The following XPO1 variants were observed in gnomAD, a reference collection of about 807,000 sequenced individuals.
XPO1 encodes exportin 1, also known as exportin-1.
In XPO1, 5 loss-of-function variants were observed where a neutral mutation model predicts 133.3. That is an observed-to-expected ratio of 0.04 (90% CI 0.02 to 0.08). The LOEUF is 0.08. Ranked by LOEUF, XPO1 falls within the 10% of genes least tolerant of loss-of-function variation. The probability of loss-of-function intolerance (pLI) is 1.00; values close to 1 mark genes in which losing one functional copy is unlikely to be tolerated. For missense variants in XPO1, 506 were observed against 1,267.5 expected (o/e 0.40, Z 9.12); for synonymous variants, 419 against 408.2 (o/e 1.03, Z -0.32).
intron 5 of XPO1, 99 bp downstream of exon 5, chr2:61,502,150 A>AT: frequency 6.6e-7 from 1 of 1,516,852 alleles, no homozygotes; most frequent in Non-Finnish European, 9.1e-7. Flanking sequence ...CTGACTGTGC[A>AT]TATGTGTGAC....
intron 11 of XPO1, among the ~76,000 whole-genome samples, chr2:61,494,984 G>GC (rs1425894536): frequency 6.6e-6 from 1 of 151,830 alleles, no homozygotes; most frequent in East Asian, 1.9e-4. Context: ...TGGGATTACA[G>GC]TCATGTGACA....
At position 61,522,594 on chromosome 2, in the gene XPO1, A is replaced by T. The variant is rs201145041; in HGVS notation, c.301+17T>A. On this transcript the variant is annotated intron_variant, in intron 4 of 24. Transcript: ENST00000401558. Reference sequence around the variant, plus strand: ...GGAAAAACAAAACTCTGAATTTATAATTCTTTATTTTCCTACCTTCGCACT... The same window carrying T: ...GGAAAAACAAAACTCTGAATTTATATTTCTTTATTTTCCTACCTTCGCACT... 4.4e-6 allele frequency: 7 copies of T among 1,606,484 alleles called. No individual in the cohort carries two copies. Among genetic ancestry groups the T allele is most frequent in the Non-Finnish European group, 6.0e-6 (7 of 1,174,866 alleles).
chr2:61,525,846 T>C (rs1698886262), intron 3 of XPO1: 4 of 1,043,618 alleles, frequency 3.8e-6, no homozygotes, highest in Middle Eastern at 4.4e-4. Flanking sequence ...CAGAATGCCA[T>C]AGTATTTATT....
At position 61,496,911 on chromosome 2, in the gene XPO1, G is replaced by C; in HGVS notation, c.856C>G (p.Leu286Val). The change falls in exon 10 of 25, where the codon CTA becomes GTA. Residue 286 changes from leucine (L) to valine (V), a missense_variant. By Grantham distance (32) the Leu-to-Val change is conservative. Transcript: ENST00000401558. ...VSQYEEQFVTLFTLTMMQLKQ... is the reference protein window; with the variant it reads ...VSQYEEQFVTVFTLTMMQLKQ... ...AGTTGCATCATTGTCAGAGTAAATA[G>C]TGTTACAAATTGTTCTTCATATTGG... The C allele has an allele frequency of 1.9e-6, 3 of 1,611,170 alleles. No homozygotes were observed. The highest frequency in any genetic ancestry group is 1.1e-5 in the South Asian group (1 of 90,160).
chr2:61,505,663 A>G (rs934465133), intron 4 of XPO1, among the ~76,000 whole-genome samples: 2 of 151,940 alleles, frequency 1.3e-5, no homozygotes, highest in African/African-American at 4.8e-5. Context: ...GGTTTAAGCG[A>G]TTATCCTGCC....
intron 1 of XPO1, chr2:61,534,171 T>C: frequency 3.8e-6 from 1 of 265,904 alleles, no homozygotes; most frequent in Non-Finnish European, 7.0e-6. Flanking sequence ...TCTACTAACA[T>C]TTATAAAGTA....
chr2:61,477,916 G>C lies in XPO1; in HGVS notation c.*904C>G, dbSNP rs1282344500. Reference sequence around the variant, plus strand: ...CACTATCATTAATATAGGAATAAATGAGTCAATAAAGGAAAAATAAATGTA... The same window carrying C: ...CACTATCATTAATATAGGAATAAATCAGTCAATAAAGGAAAAATAAATGTA... On this transcript the variant is annotated 3_prime_UTR_variant, in exon 25 of 25. Transcript: ENST00000401558. 4.6e-6 allele frequency: 1 copy of C among 218,018 alleles called. No homozygotes were observed. Among genetic ancestry groups the C allele is most frequent in the East Asian group, 6.8e-5 (1 of 14,708 alleles). The allele number at this position is 218,018 out of a possible 1,614,324, so 13.5% of individuals were successfully genotyped here.
chr2:61,483,165 A>G, intron 21 of XPO1, 74 bp from the exon 22 acceptor site: 13 of 1,491,280 alleles, frequency 8.7e-6, no homozygotes, highest in Non-Finnish European at 1.2e-5. Flanking sequence ...GCTCTTATCA[A>G]AGTATTCTGA....
At position 61,497,703 on chromosome 2, in the gene XPO1, A is replaced by G. The variant is rs138523923; in HGVS notation, c.760-696T>C. 8.9e-4 allele frequency among the ~76,000 whole-genome samples: 135 copies of G among 152,322 alleles called. No individual in the cohort carries two copies. In the Middle Eastern group the frequency reaches 0.017, roughly 19 times the overall value. Reference sequence around the variant, plus strand: ...TAAGAATATGGGAAAATTGGCTTATATATTCTATTGTTGAGAAGATAAACA... The same window carrying G: ...TAAGAATATGGGAAAATTGGCTTATGTATTCTATTGTTGAGAAGATAAACA... On this transcript the variant is annotated intron_variant, in intron 9 of 24. Coordinates refer to ENST00000401558, the MANE Select transcript of XPO1 (RefSeq NM_003400.4).
chr2:61,507,401 C>A (rs1044867435), intron 4 of XPO1, among the ~76,000 whole-genome samples: 1 of 151,858 alleles, frequency 6.6e-6, no homozygotes, highest in African/African-American at 2.4e-5. Context: ...CAGCAAGGCC[C>A]CATTTCCACA....
At position 61,478,692 on chromosome 2, in the gene XPO1, CATAAG is replaced by C; in HGVS notation, c.*123_*127del. On this transcript the variant is annotated 3_prime_UTR_variant, in exon 25 of 25. Coordinates refer to ENST00000401558, the MANE Select transcript of XPO1 (RefSeq NM_003400.4). ...AGAAAATTTCTTATACAAAAAAACA[CATAAG>C]AAAAAGGGCCACTAGGTGACATTTT... 1.1e-6 allele frequency: 1 copy of C among 893,650 alleles called. No individual in the cohort carries two copies. The highest frequency in any genetic ancestry group is 1.6e-6 in the Non-Finnish European group (1 of 628,266). The allele number at this position is 893,650 out of a possible 1,614,324, so 55.4% of individuals were successfully genotyped here. A position where few individuals can be genotyped will look rare whatever the true frequency, so the allele number is the denominator to read the frequency against.
intron 4 of XPO1, among the ~76,000 whole-genome samples, chr2:61,520,503 T>G (rs1268074822): frequency 2.0e-5 from 3 of 151,552 alleles, no homozygotes; most frequent in African/African-American, 7.3e-5. Flanking sequence ...AAAAAAAAAT[T>G]TAGTAGGGCA....
intron 3 of XPO1, chr2:61,525,604 A>G (rs1698878282): frequency 9.8e-7 from 1 of 1,019,806 alleles, no homozygotes; most frequent in African/African-American, 1.7e-5. Context: ...TGTCAGTATA[A>G]AAAGCAAAAT....
intron 5 of XPO1, 89 bp from the exon 6 acceptor site, chr2:61,502,129 A>C (rs1697556970): frequency 1.3e-6 from 2 of 1,485,522 alleles, no homozygotes; most frequent in Non-Finnish European, 1.9e-6. Context: ...TTACAGCTCT[A>C]CTGTAAATGA....
At chr2:61,501,406 T>C (rs1200291600) in intron 6 of XPO1, among the ~76,000 whole-genome samples, 1 of 152,040 alleles carries the variant, frequency 6.6e-6, no homozygotes, top group African/African-American at 2.4e-5. Flanking sequence ...AAAGGAAATA[T>C]GCACAGGCAT....
At position 61,483,060 on chromosome 2, in the gene XPO1, A is replaced by G. The variant is rs199728784; in HGVS notation, c.2709T>C (p.Asn903=). ...GLQILFTLLQ[N]VAQEEAAAQS... ...GAGCTGCAGCTTCTTCTTGTGCAAC[A>G]TTTTGTAAGAGTGTAAAAAGTATCT... is the stretch of plus-strand genomic sequence containing the variant. The change falls in exon 22 of 25, where the codon AAT becomes AAC. Residue 903 remains asparagine, a synonymous_variant. Transcript: ENST00000401558. 9.3e-6 allele frequency: 15 copies of G among 1,613,470 alleles called. No individual in the cohort carries two copies. Among genetic ancestry groups the G allele is most frequent in the Middle Eastern group, 1.8e-4 (1 of 5,678 alleles).
intron 4 of XPO1, among the ~76,000 whole-genome samples, chr2:61,506,077 C>T (rs1189597237): frequency 1.3e-5 from 2 of 152,130 alleles, no homozygotes; most frequent in Non-Finnish European, 2.9e-5. Context: ...CAAATCCCTT[C>T]CTCAAGGCTT....
chr2:61,522,629 G>A lies in XPO1; in HGVS notation c.283C>T (p.Pro95Ser), dbSNP rs2104750984. ...NVIKTRWKIL[P>S]RNQCEGIKKY... ...TTCCTACCTTCGCACTGGTTCCTTG[G>A]AAGAATCTTCCACCTTGTTTTTATC... is the stretch of plus-strand genomic sequence containing the variant. Residue 95 changes from proline (P) to serine (S), a missense_variant, in exon 4 of 25, where the codon CCA becomes TCA. This residue lies in a region of XPO1 where 68 missense variants were observed against 210.5 expected (regional missense o/e 0.32). Transcript: ENST00000401558. The A allele has an allele frequency of 6.2e-7, 1 of 1,613,766 alleles. No homozygotes were observed.
chr2:61,493,233 G>C (rs977080043), intron 12 of XPO1, 180 bp from the exon 13 acceptor site: 3 of 507,402 alleles, frequency 5.9e-6, no homozygotes, highest in Middle Eastern at 1.1e-3. Flanking sequence ...TTGTGGCCAG[G>C]AATTTGAGAG....
Sources: gnomAD v4.1 joint callset for allele counts (sites outside exome capture counted in the v4.1 genomes callset) on GRCh38, gnomAD v4.1.1 for gene constraint, gnomAD v4.1.1 regional missense constraint, MANE v1.5 for transcripts, NCBI Gene and HGNC (gene_info 2026-07-23, HGNC 2026-07-21) for gene names.